FZD3: variants seen among roughly 807,000 people sequenced by gnomAD.
The protein encoded by FZD3 is frizzled class receptor 3.
In FZD3, 30 loss-of-function variants were observed where a neutral mutation model predicts 60.7. That is an observed-to-expected ratio of 0.49 (90% CI 0.37 to 0.67). The LOEUF (loss-of-function observed/expected upper bound fraction) is 0.67, where lower values mean the gene tolerates loss of function less well. FZD3 is among the 30% of genes least tolerant of loss of function. The pLI is 0.00. For synonymous variants in FZD3, 246 were observed against 275.2 expected (o/e 0.89, Z 1.05); for missense variants, 605 against 838.7 (o/e 0.72, Z 3.44).
Position 28,566,180 on chromosome 8 carries a change from A to G in FZD3, c.*3169A>G, listed in dbSNP as rs1013173681. 3.9e-5 allele frequency: 6 copies of G among 152,316 alleles called. No individual in the cohort carries two copies. The highest frequency in any genetic ancestry group is 1.4e-4 in the African/African-American group (6 of 41,588). The allele number at this position is 152,316 out of a possible 1,614,324, so 9.4% of individuals were successfully genotyped here. ...CACATCAAAGAAATTTGAAAGATCTATAACCTATGTGAAATGAAGTCTCTG... is the reference window on the plus strand; with the variant it reads ...CACATCAAAGAAATTTGAAAGATCTGTAACCTATGTGAAATGAAGTCTCTG... On this transcript the variant is annotated 3_prime_UTR_variant, in exon 8 of 8. Coordinates refer to ENST00000240093, the MANE Select transcript of FZD3 (RefSeq NM_017412.4).
chr8:28,528,593 T>G (rs931201028), intron 5 of FZD3, among the ~76,000 whole-genome samples: 1 of 152,200 alleles, frequency 6.6e-6, no homozygotes, highest in Admixed American at 6.5e-5. Context: ...TTGATTTTTC[T>G]TCTTTGCATA....
intron 3 of FZD3, among the ~76,000 whole-genome samples, chr8:28,506,032 A>C (rs1021490723): frequency 6.6e-6 from 1 of 152,176 alleles, no homozygotes; most frequent in Non-Finnish European, 1.5e-5. Context: ...TTTTGATAGG[A>C]AAAAAATGCT....
At chr8:28,528,309 T>C (rs528229425) in intron 5 of FZD3, 145 bp downstream of exon 5, 10 of 636,694 alleles carry the variant, frequency 1.6e-5, no homozygotes, top group South Asian at 4.0e-5. Context: ...ATGACAAATA[T>C]GTTGTAGTAA....
At chr8:28,534,396 T>C (rs1234639155) in intron 5 of FZD3, among the ~76,000 whole-genome samples, 1 of 152,112 alleles carries the variant, frequency 6.6e-6, no homozygotes, top group Non-Finnish European at 1.5e-5. Context: ...CTACAAAAAA[T>C]GTAAAAATTA....
chr8:28,528,256 T>C, intron 5 of FZD3, 92 bp downstream of exon 5: 1 of 957,308 alleles, frequency 1.0e-6, no homozygotes, highest in Non-Finnish European at 1.6e-6. Context: ...TTTTTTGAAA[T>C]GTCATGAACC....
intron 5 of FZD3, among the ~76,000 whole-genome samples, chr8:28,529,738 T>TA (rs934843758): frequency 4.6e-5 from 7 of 152,266 alleles, no homozygotes; most frequent in African/African-American, 1.7e-4. Flanking sequence ...ACTCATAACT[T>TA]AGAGACTAGG....
chr8:28,498,323 T>TAA (rs142226752), intron 1 of FZD3, among the ~76,000 whole-genome samples: 4 of 149,078 alleles, frequency 2.7e-5, no homozygotes, highest in African/African-American at 9.8e-5. Context: ...TTTCTTATAA[T>TAA]AAAAAAAAAA....
intron 7 of FZD3, among the ~76,000 whole-genome samples, chr8:28,558,559 T>C (rs1805557083): frequency 6.6e-6 from 1 of 151,976 alleles, no homozygotes; most frequent in South Asian, 2.1e-4. Context: ...GCCCCCTGAG[T>C]AGCTAGGATT....
At chr8:28,520,221 C>CAAAAAA (rs199633141) in intron 3 of FZD3, among the ~76,000 whole-genome samples, 55 of 130,968 alleles carry the variant, frequency 4.2e-4, no homozygotes, top group East Asian at 2.0e-3. Context: ...AAAAAAACAA[C>CAAAAAA]AAAAAAAAAA....
chr8:28,518,699 A>G (rs1452493769), intron 3 of FZD3, among the ~76,000 whole-genome samples: 1 of 151,804 alleles, frequency 6.6e-6, no homozygotes, highest in East Asian at 1.9e-4. Context: ...TGTTTCTTTC[A>G]TTTCCCATTT....
chr8:28,520,316 A>G (rs1804544734), intron 3 of FZD3, among the ~76,000 whole-genome samples: 1 of 151,834 alleles, frequency 6.6e-6, no homozygotes, highest in Non-Finnish European at 1.5e-5. Flanking sequence ...ACTTTTGAAC[A>G]TTTGGTGCAT....
At chr8:28,514,724 A>G (rs1398136295) in intron 3 of FZD3, among the ~76,000 whole-genome samples, 2 of 152,178 alleles carry the variant, frequency 1.3e-5, no homozygotes, top group African/African-American at 4.8e-5. Context: ...TAAAAACTTC[A>G]TTCCTGTTTT....
At chr8:28,537,098 G>A (rs1805035952) in intron 5 of FZD3, among the ~76,000 whole-genome samples, 1 of 151,944 alleles carries the variant, frequency 6.6e-6, no homozygotes, top group South Asian at 2.1e-4. Context: ...AAATTATTTA[G>A]TTTCTGTAAT....
intron 1 of FZD3, among the ~76,000 whole-genome samples, chr8:28,495,291 G>A (rs1322748932): frequency 6.6e-6 from 1 of 152,160 alleles, no homozygotes; most frequent in Non-Finnish European, 1.5e-5. Flanking sequence ...GAGGTCCGGC[G>A]GTTTGCCCAG....
At chr8:28,510,661 A>G (rs1339916415) in intron 3 of FZD3, among the ~76,000 whole-genome samples, 1 of 152,254 alleles carries the variant, frequency 6.6e-6, no homozygotes, top group East Asian at 1.9e-4. Flanking sequence ...AACTGTGGAC[A>G]GTAACAATAT....
At chr8:28,562,268 T>C (rs1347693046) in intron 7 of FZD3, among the ~76,000 whole-genome samples, 2 of 152,232 alleles carry the variant, frequency 1.3e-5, no homozygotes, top group Non-Finnish European at 2.9e-5. Flanking sequence ...GAAAGCAGCT[T>C]TCGGCACATA....
chr8:28,526,569 A>G (rs749217608), intron 4 of FZD3, among the ~76,000 whole-genome samples: 1 of 152,120 alleles, frequency 6.6e-6, no homozygotes, highest in Non-Finnish European at 1.5e-5. Flanking sequence ...CTGTATTTTT[A>G]TCTTTTTAAC....
intron 3 of FZD3, among the ~76,000 whole-genome samples, chr8:28,514,474 AC>A (rs1804371992): frequency 6.6e-6 from 1 of 152,208 alleles, no homozygotes; most frequent in South Asian, 2.1e-4. Context: ...TGAAACCATC[AC>A]CACAGTCAAG....
At chr8:28,539,855 A>T (rs1025030902) in intron 5 of FZD3, among the ~76,000 whole-genome samples, 1 of 2,236 alleles carries the variant, frequency 4.5e-4, no homozygotes, top group African/African-American at 2.0e-3. Context: ...CACAATAATT[A>T]AAAAAAAATA....
Sources: gnomAD v4.1 joint callset for allele counts (sites outside exome capture counted in the v4.1 genomes callset) on GRCh38, gnomAD v4.1.1 for gene constraint, MANE v1.5 for transcripts, NCBI Gene and HGNC (gene_info 2026-07-23, HGNC 2026-07-21) for gene names.